Variants in CHODL observed in about 807,000 individuals in gnomAD.
CHODL encodes chondrolectin.
Under a neutral mutation model 34.5 loss-of-function variants are expected in CHODL, and 29 were observed. The observed-to-expected ratio is 0.84, with a 90% confidence interval of 0.63 to 1.15. The LOEUF (loss-of-function observed/expected upper bound fraction) is 1.15. Among genes scored for constraint, CHODL ranks in the 50% most tolerant of loss-of-function variants. CHODL has a pLI of 0.00. For missense variants in CHODL, 332 were observed against 332.5 expected, an observed-to-expected ratio of 1.00 and a Z score of 0.01; for synonymous variants, 125 against 116.1, an observed-to-expected ratio of 1.08 and a Z score of -0.49.
intron 2 of CHODL, among the ~76,000 whole-genome samples, chr21:18,042,225 C>T (rs1568857609): frequency 1.3e-5 from 2 of 151,854 alleles, no homozygotes; most frequent in South Asian, 2.1e-4. Flanking sequence ...TCCAGGAGCA[C>T]AGCACAGATT....
chr21:18,266,064 T>G lies in CHODL; in HGVS notation c.*26T>G. On this transcript the variant is annotated 3_prime_UTR_variant, in exon 6 of 6. Coordinates refer to ENST00000299295, the MANE Select transcript of CHODL (RefSeq NM_024944.3). ...TAACTCATTGACTTGGTTCCAGAAT[T>G]TTGTAATTCTGGATCTGTATAAGGA... 1 of 1,613,794 alleles carries G rather than the reference T, an allele frequency of 6.2e-7. No individual in the cohort carries two copies.
chr21:18,131,977 C>T (rs994136600), intron 2 of CHODL, among the ~76,000 whole-genome samples: 15 of 151,958 alleles, frequency 9.9e-5, no homozygotes, highest in African/African-American at 3.4e-4. Flanking sequence ...ACTGATTTTA[C>T]TTGTGATCAT....
intron 2 of CHODL, among the ~76,000 whole-genome samples, chr21:18,108,225 G>A (rs1048200696): frequency 6.6e-6 from 1 of 151,828 alleles, no homozygotes; most frequent in East Asian, 1.9e-4. Context: ...CTGCTGGAAG[G>A]TCACGGTTGC....
At chr21:17,944,549 A>G (rs778422928) in intron 1 of CHODL, among the ~76,000 whole-genome samples, 5 of 152,210 alleles carry the variant, frequency 3.3e-5, no homozygotes, top group Non-Finnish European at 7.3e-5. Flanking sequence ...ACCTGCCCAG[A>G]TAAGTGTCTC....
At chr21:17,967,604 A>T (rs75291114) in intron 1 of CHODL, among the ~76,000 whole-genome samples, 1 of 152,212 alleles carries the variant, frequency 6.6e-6, no homozygotes, top group African/African-American at 2.4e-5. Flanking sequence ...ATGTAGTAAC[A>T]TGTTACCTCA....
At chr21:18,201,321 T>C (rs2073649568) in intron 2 of CHODL, among the ~76,000 whole-genome samples, 2 of 152,208 alleles carry the variant, frequency 1.3e-5, no homozygotes, top group Non-Finnish European at 2.9e-5. Context: ...AAAATGTTCA[T>C]ATAAATTTTT....
At chr21:18,236,480 T>G (rs1195886572) in intron 2 of CHODL, among the ~76,000 whole-genome samples, 1 of 152,104 alleles carries the variant, frequency 6.6e-6, no homozygotes, top group East Asian at 1.9e-4. Flanking sequence ...TGATTGAAAC[T>G]CTGACTTTCA....
At chr21:18,015,038 T>A (rs911209733) in intron 1 of CHODL, among the ~76,000 whole-genome samples, 1 of 152,158 alleles carries the variant, frequency 6.6e-6, no homozygotes, top group Non-Finnish European at 1.5e-5. Flanking sequence ...TGAAACTTCT[T>A]AGAGACTGGT....
At chr21:18,047,711 A>G (rs556263915) in intron 2 of CHODL, among the ~76,000 whole-genome samples, 80 of 152,016 alleles carry the variant, frequency 5.3e-4, no homozygotes, top group African/African-American at 1.8e-3. Context: ...GCCTCAATGT[A>G]GTAAGAGTAT....
intron 1 of CHODL, among the ~76,000 whole-genome samples, chr21:17,979,228 G>GA (rs1404176930): frequency 2.6e-5 from 4 of 152,184 alleles, no homozygotes; most frequent in Non-Finnish European, 4.4e-5. Flanking sequence ...ACCACAGACA[G>GA]AAAAGAAGTG....
intron 1 of CHODL, among the ~76,000 whole-genome samples, chr21:18,018,023 A>G (rs1015117226): frequency 1.3e-5 from 2 of 152,214 alleles, no homozygotes; most frequent in Admixed American, 6.5e-5. Flanking sequence ...AAGCTTGCAC[A>G]TAGGCCCCTT....
chr21:18,144,982 A>G (rs1228628267), intron 2 of CHODL, among the ~76,000 whole-genome samples: 1 of 148,120 alleles, frequency 6.8e-6, no homozygotes, highest in East Asian at 2.0e-4. Context: ...ATTATACATG[A>G]CTAATTTCAA....
intron 2 of CHODL, among the ~76,000 whole-genome samples, chr21:18,116,107 A>G (rs550839761): frequency 1.6e-4 from 25 of 152,202 alleles, no homozygotes; most frequent in African/African-American, 6.0e-4. Context: ...GGGTACATGC[A>G]AAGTCCTCTT....
At chr21:18,086,986 C>A (rs1321827953) in intron 2 of CHODL, among the ~76,000 whole-genome samples, 2 of 152,114 alleles carry the variant, frequency 1.3e-5, no homozygotes, top group Non-Finnish European at 2.9e-5. Context: ...GTGGGTGTTC[C>A]TGGTAGCTGT....
At chr21:17,948,329 TTA>T (rs1568812039) in intron 1 of CHODL, among the ~76,000 whole-genome samples, 2 of 151,704 alleles carry the variant, frequency 1.3e-5, no homozygotes, top group African/African-American at 2.4e-5. Flanking sequence ...AAAAAAAAGT[TTA>T]TGTTAAAAGA....
At chr21:18,074,508 A>T (rs1265634623) in intron 2 of CHODL, among the ~76,000 whole-genome samples, 1 of 152,200 alleles carries the variant, frequency 6.6e-6, no homozygotes, top group African/African-American at 2.4e-5. Context: ...GCTATAAAGA[A>T]TAGATGATAT....
chr21:18,091,268 C>T lies in CHODL; in HGVS notation c.-45+63297C>T, dbSNP rs148112752. On this transcript the variant is annotated intron_variant, in intron 2 of 6. Transcript: ENST00000400127. ...TGGGATCCCAGGTAAACCTGAAAAG[C>T]AGTCGAGGACACGTAGGACACAAGG... Among the ~76,000 whole-genome samples the T allele has an allele frequency of 2.4e-4, 36 of 152,338 alleles. No homozygotes were observed. In the East Asian group the frequency reaches 7.0e-3, roughly 29 times the overall value.
chr21:18,186,186 TC>T (rs1431908340), intron 2 of CHODL, among the ~76,000 whole-genome samples: 1 of 152,174 alleles, frequency 6.6e-6, no homozygotes, highest in African/African-American at 2.4e-5. Flanking sequence ...CAGAGGTGGC[TC>T]TAGCAGCACT....
intron 2 of CHODL, among the ~76,000 whole-genome samples, chr21:18,225,866 TC>T (rs1250089476): frequency 6.6e-6 from 1 of 152,022 alleles, no homozygotes; most frequent in Non-Finnish European, 1.5e-5. Flanking sequence ...GACTGCCTAC[TC>T]CAAATTAAAT....
Sources: allele counts gnomAD v4.1 joint callset (sites outside exome capture counted in the v4.1 genomes callset), GRCh38; gene constraint gnomAD v4.1.1; transcripts MANE v1.5; gene names NCBI Gene and HGNC (gene_info 2026-07-23, HGNC 2026-07-21).